CMTM4: variants seen among roughly 807,000 people sequenced by gnomAD.
The protein encoded by CMTM4 is CKLF like MARVEL transmembrane domain containing 4.
A neutral mutation model predicts 19.0 loss-of-function variants in CMTM4; 8 were observed. The observed-to-expected ratio is 0.42, with a 90% CI of 0.25 to 0.76. The LOEUF (loss-of-function observed/expected upper bound fraction) is 0.76. Among genes scored for constraint, CMTM4 ranks in the 30% least tolerant of loss-of-function variants. The pLI, the probability that CMTM4 is intolerant of heterozygous loss-of-function variation, is 0.27. For synonymous variants in CMTM4, 106 were observed against 121.1 expected, an observed-to-expected ratio of 0.88 and a Z score of 0.82; for missense variants, 228 against 290.2, an observed-to-expected ratio of 0.79 and a Z score of 1.56.
chr16:66,695,746 G>C (rs2017221127), intron 1 of CMTM4, among the ~76,000 whole-genome samples: 1 of 152,210 alleles, frequency 6.6e-6, no homozygotes, highest in Admixed American at 6.5e-5. Context: ...GGGATGCCAA[G>C]TCTGTCTTCT....
chr16:66,678,715 C>T (rs2016852440), intron 1 of CMTM4, among the ~76,000 whole-genome samples: 1 of 152,194 alleles, frequency 6.6e-6, no homozygotes, highest in African/African-American at 2.4e-5. Flanking sequence ...TGTGTCTGCT[C>T]TTTGAATTTT....
At chr16:66,690,904 C>T (rs1411975263) in intron 1 of CMTM4, among the ~76,000 whole-genome samples, 2 of 151,672 alleles carry the variant, frequency 1.3e-5, no homozygotes, top group Non-Finnish European at 2.9e-5. Context: ...CTCAGGAGTT[C>T]GAGATTAGCC....
chr16:66,669,902 T>G (rs1453784586), intron 1 of CMTM4, among the ~76,000 whole-genome samples: 3 of 152,134 alleles, frequency 2.0e-5, no homozygotes, highest in Non-Finnish European at 4.4e-5. Context: ...TTTATTAGAT[T>G]TGTTTAATTC....
chr16:66,643,487 G>A (rs762875512), intron 1 of CMTM4, among the ~76,000 whole-genome samples: 14 of 152,274 alleles, frequency 9.2e-5, no homozygotes, highest in African/African-American at 2.4e-4. Flanking sequence ...TGAAACATAC[G>A]GAGCCAGAAG....
chr16:66,663,532 CTTTTTTTTTTTTTTTT>C (rs1178140315), intron 1 of CMTM4, among the ~76,000 whole-genome samples: 1 of 55,256 alleles, frequency 1.8e-5, no homozygotes, highest in African/African-American at 6.8e-5. Flanking sequence ...TTTTCATTTG[CTTTTTTTTTTTTTTTT>C]TTTTTTTTTT....
chr16:66,655,715 G>C (rs1294095722), intron 1 of CMTM4, among the ~76,000 whole-genome samples: 1 of 152,076 alleles, frequency 6.6e-6, no homozygotes, highest in Non-Finnish European at 1.5e-5. Flanking sequence ...AGATGAGTGT[G>C]AAACATCTTG....
intron 2 of CMTM4, among the ~76,000 whole-genome samples, chr16:66,632,390 G>T (rs925698388): frequency 2.6e-5 from 4 of 152,208 alleles, no homozygotes; most frequent in Non-Finnish European, 4.4e-5. Flanking sequence ...GGGGCAGGGG[G>T]TGTGTTTAGC....
chr16:66,609,403 G>A, the CMTM4 span: 3 of 1,592,656 alleles, frequency 1.9e-6, no homozygotes, highest in South Asian at 2.2e-5. The surrounding 1 kb of genome is among the most constrained non-coding windows in gnomAD (Gnocchi z 4.4). Flanking sequence ...TCAGCTCCAG[G>A]GGCTCAGGGC....
chr16:66,634,497 C>T (rs2015953251), intron 2 of CMTM4, among the ~76,000 whole-genome samples: 1 of 150,882 alleles, frequency 6.6e-6, no homozygotes, highest in Non-Finnish European at 1.5e-5. Context: ...TGGGGATAAA[C>T]GCTGGTATAA....
At chr16:66,659,467 AATGAC>A (rs1251572661) in intron 1 of CMTM4, among the ~76,000 whole-genome samples, 1 of 152,128 alleles carries the variant, frequency 6.6e-6, no homozygotes, top group Non-Finnish European at 1.5e-5. Context: ...TCAGCAAACA[AATGAC>A]ATAAAGGGAG....
intron 1 of CMTM4, among the ~76,000 whole-genome samples, chr16:66,663,764 A>G (rs866880688): frequency 2.0e-5 from 3 of 151,834 alleles, no homozygotes; most frequent in Middle Eastern, 3.4e-3. Flanking sequence ...GATGGTCTCA[A>G]TCTCCTGACC....
chr16:66,667,094 G>A (rs1371925951), intron 1 of CMTM4, among the ~76,000 whole-genome samples: 1 of 152,214 alleles, frequency 6.6e-6, no homozygotes, highest in Non-Finnish European at 1.5e-5. Flanking sequence ...GGAGGCCGAG[G>A]CAGGCGGATC....
intron 1 of CMTM4, among the ~76,000 whole-genome samples, chr16:66,637,272 C>T (rs555425512): frequency 1.3e-3 from 197 of 152,242 alleles, no homozygotes; most frequent in African/African-American, 4.2e-3. Context: ...AGGCTGGGCA[C>T]GGGGGCTCAT....
chr16:66,604,500 G>A, the CMTM4 span: 1 of 243,210 alleles, frequency 4.1e-6, no homozygotes, highest in Non-Finnish European at 7.9e-6. Context: ...CTCCGAAGGG[G>A]TGCCGGGGCG....
chr16:66,649,499 A>G (rs189099407), intron 1 of CMTM4, among the ~76,000 whole-genome samples: 1,421 of 119,390 alleles, frequency 0.012, 14 homozygotes, highest in Non-Finnish European at 0.014. Context: ...TCTATCCCTG[A>G]TTTTTTTTCT....
chr16:66,653,049 T>C (rs1352779168), intron 1 of CMTM4, among the ~76,000 whole-genome samples: 2 of 152,200 alleles, frequency 1.3e-5, no homozygotes, highest in African/African-American at 4.8e-5. Context: ...TCCCCTTTAC[T>C]TTCTCATGGT....
chr16:66,609,919 G>A, downstream of CMTM4: 2 of 1,614,152 alleles, frequency 1.2e-6, no homozygotes, highest in Non-Finnish European at 1.7e-6. This position sits in a 1 kb window ranked among gnomAD's most constrained non-coding sequence, Gnocchi z 4.4. Flanking sequence ...GTTTGCAACT[G>A]ATTTCTACCT....
chr16:66,598,870 G>A, the CMTM4 span, among the ~76,000 whole-genome samples: 2 of 152,062 alleles, frequency 1.3e-5, no homozygotes, highest in African/African-American at 2.4e-5. Flanking sequence ...GTCAGGCAGG[G>A]TGATTCAGAC....
chr16:66,631,343 C>T (rs2015865549), intron 2 of CMTM4, among the ~76,000 whole-genome samples: 1 of 149,212 alleles, frequency 6.7e-6, no homozygotes, highest in Non-Finnish European at 1.5e-5. Context: ...GCCGCCCCGT[C>T]CGGGAGGTGA....
Sources: allele counts gnomAD v4.1 joint callset (sites outside exome capture counted in the v4.1 genomes callset), GRCh38; gene constraint gnomAD v4.1.1; non-coding constraint Gnocchi (gnomAD v3.1); transcripts MANE v1.5; gene names NCBI Gene and HGNC (gene_info 2026-07-23, HGNC 2026-07-21).